Variants in CCDC74A observed in about 807,000 individuals in gnomAD.
The protein encoded by CCDC74A is coiled-coil domain-containing protein 74A.
CCDC74A carries 38 observed loss-of-function variants against 37.6 expected under a neutral mutation model. The observed-to-expected ratio is 1.01, with a 90% CI of 0.78 to 1.33. The LOEUF (loss-of-function observed/expected upper bound fraction) is 1.33, where lower values mean the gene tolerates loss of function less well. CCDC74A is among the 40% of genes most tolerant of loss of function. The probability of loss-of-function intolerance (pLI) is 0.00; values close to 1 mark genes in which losing one functional copy is unlikely to be tolerated. For missense variants in CCDC74A, 340 were observed against 403.4 expected (o/e 0.84, Z 1.35); for synonymous variants, 134 against 165.2 (o/e 0.81, Z 1.45).
Position 131,531,771 on chromosome 2 carries a change from G to T in CCDC74A, c.454G>T (p.Asp152Tyr). 6.7e-7 allele frequency: 1 copy of T among 1,496,192 alleles called. No homozygotes were observed. Among genetic ancestry groups the T allele is most frequent in the Non-Finnish European group, 8.8e-7 (1 of 1,131,602 alleles). 92.7% of individuals were successfully genotyped at this position (1,496,192 alleles called of 1,614,324 possible). A position where few individuals can be genotyped will look rare whatever the true frequency, so the allele number is the denominator to read the frequency against. ...GCCCCTACTTCACAACAGCAAGCTG[G>T]ACAAAGTTCCTGGGGTACAAGGGCA... The part of the protein sequence containing the change: ...EEPLLHNSKL[D>Y]KVPGVQGQAR... The change falls in exon 4 of 8, where the codon GAC (aspartate) becomes TAC (tyrosine). Residue 152 changes from aspartate (D) to tyrosine (Y), a missense_variant. Physicochemically the swap from Asp to Tyr is radical, Grantham distance 160. Transcript: ENST00000409856.
At chr2:131,526,649 G>GT (rs1221379231), upstream of CCDC74A, among the ~76,000 whole-genome samples, 27 of 152,270 alleles carry the variant, frequency 1.8e-4, no homozygotes, top group Admixed American at 1.6e-3. Context: ...AAACTGTGTT[G>GT]TTTTTTATTA....
upstream of CCDC74A, among the ~76,000 whole-genome samples, chr2:131,527,076 TTC>T (rs896296246): frequency 2.9e-4 from 44 of 149,794 alleles, no homozygotes; most frequent in Non-Finnish European, 5.5e-4. Flanking sequence ...AAAATAAGAC[TTC>T]TTTTTATTTT....
At chr2:131,523,205 G>C (rs1008562543), upstream of CCDC74A, among the ~76,000 whole-genome samples, 1 of 152,214 alleles carries the variant, frequency 6.6e-6, no homozygotes. Flanking sequence ...ACGCTGGAGA[G>C]AGGCCTCTTA....
At position 131,532,673 on chromosome 2, in the gene CCDC74A, A is replaced by G; in HGVS notation, c.570A>G (p.Ala190=). The change falls in exon 5 of 8, where the codon GCA becomes GCG. Residue 190 remains alanine, a synonymous_variant. Coordinates refer to ENST00000409856, the MANE Select transcript of CCDC74A (RefSeq NM_001258306.3). Reference sequence around the variant, plus strand: ...AGGGCAGGCAGATGGGGGCGGGGGCACACCCCCCAATGATCCTGCCCCTTC... The same window carrying G: ...AGGGCAGGCAGATGGGGGCGGGGGCGCACCCCCCAATGATCCTGCCCCTTC... ...QHQGRQMGAG[A]HPPMILPLPL... 6.2e-7 allele frequency: 1 copy of G among 1,613,122 alleles called. No individual in the cohort carries two copies.
chr2:131,531,113 G>T (rs1283741289), intron 3 of CCDC74A, among the ~76,000 whole-genome samples: 1 of 152,128 alleles, frequency 6.6e-6, no homozygotes, highest in Admixed American at 6.5e-5. Flanking sequence ...TGGCCTTCTA[G>T]GGAGGATGTA....
intron 3 of CCDC74A, 101 bp downstream of exon 3, chr2:131,530,928 C>T: frequency 1.3e-6 from 2 of 1,535,094 alleles, no homozygotes; most frequent in South Asian, 2.5e-5. Flanking sequence ...CTCTGCTGGG[C>T]CAAGCTCCAG....
rs759608959 is a variant in CCDC74A, at chr2:131,533,412, G to A, written c.*14G>A. ...TCAGTGCTTTGAGCCACCCCAATCTGGTCAGTGCCAGGCCCACCAACCTGC... is the reference window on the plus strand; with the variant it reads ...TCAGTGCTTTGAGCCACCCCAATCTAGTCAGTGCCAGGCCCACCAACCTGC... On this transcript the variant is annotated 3_prime_UTR_variant, in exon 8 of 8. Transcript: ENST00000409856. 4 of 1,613,114 alleles carry A rather than the reference G, an allele frequency of 2.5e-6. No homozygotes were observed. The highest frequency in any genetic ancestry group is 8.5e-7 in the Non-Finnish European group (1 of 1,179,868).
At chr2:131,531,858 C>T in intron 4 of CCDC74A, 56 bp downstream of exon 4, 1 of 1,523,938 alleles carries the variant, frequency 6.6e-7, no homozygotes, top group South Asian at 1.2e-5. Context: ...CTTGCCTGCA[C>T]CCTAAGGGCC....
intron 1 of CCDC74A, chr2:131,528,605 T>C (rs1680622550): frequency 2.4e-6 from 2 of 829,056 alleles, no homozygotes; most frequent in East Asian, 6.0e-5. Context: ...GGTCAGGAGA[T>C]CGAGACCATC....
upstream of CCDC74A, among the ~76,000 whole-genome samples, chr2:131,523,259 C>G (rs987035203): frequency 6.6e-6 from 1 of 152,116 alleles, no homozygotes; most frequent in Admixed American, 6.6e-5. Flanking sequence ...CCTTGACTCC[C>G]GAAGCCAGAA....
At position 131,532,757 on chromosome 2, in the gene CCDC74A, T is replaced by C. The variant is rs1380549561; in HGVS notation, c.654T>C (p.Asn218=). 1 of 1,613,474 alleles carries C rather than the reference T, an allele frequency of 6.2e-7. No individual in the cohort carries two copies. Among genetic ancestry groups the C allele is most frequent in the East Asian group, 2.2e-5 (1 of 44,852 alleles). The change falls in exon 5 of 8, where the codon AAT becomes AAC. Residue 218 remains asparagine, a synonymous_variant. Transcript: ENST00000409856. ...AAGTGCTCATCCGCGAGCTGTGGAATACCAACCTCCTGCAGACCCAAGAGG... is the reference window on the plus strand; with the variant it reads ...AAGTGCTCATCCGCGAGCTGTGGAACACCAACCTCCTGCAGACCCAAGAGG... The part of the protein sequence containing the change: ...QCEVLIRELW[N]TNLLQTQELR...
intron 3 of CCDC74A, among the ~76,000 whole-genome samples, chr2:131,531,145 C>A (rs1451883175): frequency 6.6e-6 from 1 of 152,124 alleles, no homozygotes; most frequent in African/African-American, 2.4e-5. Context: ...CAGCAGCAGC[C>A]CTGCTTGGCC....
chr2:131,533,184 C>T, intron 7 of CCDC74A, 85 bp from the exon 8 acceptor site: 5 of 1,606,796 alleles, frequency 3.1e-6, no homozygotes, highest in Non-Finnish European at 4.3e-6. Context: ...CCTCTCTGTG[C>T]CCCCGTGAGG....
In CCDC74A at chr2:131,533,429, C is replaced by T. The variant is rs756400352; in HGVS notation, c.*31C>T. Reference sequence around the variant, plus strand: ...CCCAATCTGGTCAGTGCCAGGCCCACCAACCTGCAGCTGGAGACTGGCTCT... The same window carrying T: ...CCCAATCTGGTCAGTGCCAGGCCCATCAACCTGCAGCTGGAGACTGGCTCT... On this transcript the variant is annotated 3_prime_UTR_variant, in exon 8 of 8. Coordinates refer to ENST00000409856, the MANE Select transcript of CCDC74A (RefSeq NM_001258306.3). 1.2e-6 allele frequency: 2 copies of T among 1,609,938 alleles called. No homozygotes were observed. Among genetic ancestry groups the T allele is most frequent in the Admixed American group, 3.3e-5 (2 of 59,870 alleles).
intron 3 of CCDC74A, 68 bp downstream of exon 3, chr2:131,530,895 T>C: frequency 6.3e-7 from 1 of 1,587,302 alleles, no homozygotes; most frequent in Non-Finnish European, 8.6e-7. Flanking sequence ...CTGGGTGGCC[T>C]CTAGGGGTGC....
chr2:131,532,841 ATGCCCC>A lies in CCDC74A; in HGVS notation c.679-12_679-7del. On this transcript the variant is annotated splice_polypyrimidine_tract_variant and intron_variant, in intron 5 of 7. Transcript: ENST00000409856. ...GTCTGGCACCGCCACAGGCCCCACC[ATGCCCC>A]TGCCCCTGCCTTTCAGCTGCGGCAC... The A allele has an allele frequency of 6.2e-7, 1 of 1,613,302 alleles. No homozygotes were observed. The highest frequency in any genetic ancestry group is 1.7e-5 in the Admixed American group (1 of 60,006).
At position 131,527,966 on chromosome 2, in the gene CCDC74A, G is replaced by A. The variant is rs1295766817; in HGVS notation, c.-5G>A. On this transcript the variant is annotated 5_prime_UTR_variant, in exon 1 of 8. Coordinates refer to ENST00000409856, the MANE Select transcript of CCDC74A (RefSeq NM_001258306.3). ...GGCAGCGGGAGAGTACCTGGCGATG[G>A]CGATATGAGCGGTGCGGGGGTGGCG... The A allele has an allele frequency of 1.4e-6, 2 of 1,434,376 alleles. No homozygotes were observed. The highest frequency in any genetic ancestry group is 2.9e-5 in the African/African-American group (2 of 68,200). 88.9% of individuals were successfully genotyped at this position (1,434,376 alleles called of 1,614,324 possible). A position where few individuals can be genotyped will look rare whatever the true frequency, so the allele number is the denominator to read the frequency against.
chr2:131,529,561 G>C (rs771511669), intron 1 of CCDC74A, 86 bp from the exon 2 acceptor site: 1 of 1,584,614 alleles, frequency 6.3e-7, no homozygotes, highest in Non-Finnish European at 8.7e-7. Flanking sequence ...TTTGGGCTCA[G>C]CAGCCAGGAG....
At chr2:131,531,552 A>C in intron 3 of CCDC74A, 112 bp from the exon 4 acceptor site, 3 of 1,270,698 alleles carry the variant, frequency 2.4e-6, no homozygotes, top group Non-Finnish European at 3.1e-6. Flanking sequence ...AAACTGAGGC[A>C]GGGACAGGGG....
Sources: gnomAD v4.1 joint callset for allele counts (sites outside exome capture counted in the v4.1 genomes callset) on GRCh38, gnomAD v4.1.1 for gene constraint, MANE v1.5 for transcripts, NCBI Gene and HGNC (gene_info 2026-07-23, HGNC 2026-07-21) for gene names.